The following CR2 variants were observed in gnomAD, a reference collection of about 807,000 sequenced individuals.
CR2 encodes complement receptor type 2.
In CR2, 96 loss-of-function variants were observed where a neutral mutation model predicts 123.0. The observed-to-expected ratio is 0.78, with a 90% CI of 0.66 to 0.93. The LOEUF is 0.93. Among genes scored for constraint, CR2 ranks in the 40% least tolerant of loss-of-function variants. CR2 has a pLI of 0.00. For synonymous variants in CR2, 484 were observed against 469.5 expected (o/e 1.03, Z -0.40); for missense variants, 1,258 against 1,361.0 (o/e 0.92, Z 1.19).
At chr1:207,480,518 T>C (rs914188241) in intron 18 of CR2, among the ~76,000 whole-genome samples, 1 of 152,210 alleles carries the variant, frequency 6.6e-6, no homozygotes, top group Non-Finnish European at 1.5e-5. Context: ...TGTATTTATG[T>C]GTTTTAAGTT....
In CR2 at chr1:207,472,325, A is replaced by G. The variant is rs538813602; in HGVS notation, c.1571-447A>G. Among the ~76,000 whole-genome samples the G allele has an allele frequency of 3.3e-5, 5 of 152,272 alleles. No individual in the cohort carries two copies. In the South Asian group the frequency reaches 1.0e-3, roughly 32 times the overall value. On this transcript the variant is annotated intron_variant, in intron 9 of 19. Transcript: ENST00000367057. Reference sequence around the variant, plus strand: ...CAAATTATTCAAATTAAATTGTACTATTGCTACTTTCTGGATGAGGAAACT... The same window carrying G: ...CAAATTATTCAAATTAAATTGTACTGTTGCTACTTTCTGGATGAGGAAACT...
At chr1:207,475,764 GATAA>G (rs1341129407) in intron 14 of CR2, among the ~76,000 whole-genome samples, 3 of 152,140 alleles carry the variant, frequency 2.0e-5, no homozygotes, top group Non-Finnish European at 4.4e-5. Context: ...TTCAGTTTAA[GATAA>G]ATAGTGAGCT....
chr1:207,482,970 A>C (rs1427483410), intron 18 of CR2, among the ~76,000 whole-genome samples: 4 of 152,140 alleles, frequency 2.6e-5, no homozygotes, highest in Admixed American at 2.6e-4. Context: ...GAAAAAAAAA[A>C]AAAACCCTGA....
intron 1 of CR2, among the ~76,000 whole-genome samples, chr1:207,456,733 A>C (rs2102293776): frequency 6.6e-6 from 1 of 152,248 alleles, no homozygotes; most frequent in East Asian, 1.9e-4. Context: ...CTAGAATCAG[A>C]TTTTGTTCTC....
At position 207,470,926 on chromosome 1, in the gene CR2, C is replaced by T; in HGVS notation, c.1402+10C>T. 1.2e-6 allele frequency: 2 copies of T among 1,613,824 alleles called. No homozygotes were observed. Among genetic ancestry groups the T allele is most frequent in the East Asian group, 2.2e-5 (1 of 44,878 alleles). ...GTACCCCAATGCAAAGGTGCCAGGCCTCAAATGTAGACATTTTGTTAACTT... is the reference window on the plus strand; with the variant it reads ...GTACCCCAATGCAAAGGTGCCAGGCTTCAAATGTAGACATTTTGTTAACTT... On this transcript the variant is annotated intron_variant, in intron 7 of 19. Coordinates refer to ENST00000367057, the MANE Select transcript of CR2 (RefSeq NM_001006658.3).
chr1:207,474,944 G>A lies in CR2; in HGVS notation c.2444G>A (p.Gly815Glu), dbSNP rs746627474. Residue 815 changes from glycine to glutamate, a missense_variant, in exon 14 of 20, where the codon GGA becomes GAA. Coordinates refer to ENST00000367057, the MANE Select transcript of CR2 (RefSeq NM_001006658.3). Reference sequence around the variant, plus strand: ...TGTGACCAAGGATTCTATCTCCTGGGAGAGAAAAAATTGCAGTGCAGAAGT... The same window carrying A: ...TGTGACCAAGGATTCTATCTCCTGGAAGAGAAAAAATTGCAGTGCAGAAGT... ...YECDQGFYLLGEKKLQCRSDS... is the reference protein window; with the variant it reads ...YECDQGFYLLEEKKLQCRSDS... 7 of 1,614,116 alleles carry A rather than the reference G, an allele frequency of 4.3e-6. No homozygotes were observed. Among genetic ancestry groups the A allele is most frequent in the Non-Finnish European group, 5.9e-6 (7 of 1,179,984 alleles).
intron 13 of CR2, 148 bp from the exon 14 acceptor site, chr1:207,474,676 T>TA (rs1353652545): frequency 9.1e-6 from 8 of 877,190 alleles, no homozygotes; most frequent in Admixed American, 4.4e-5. Flanking sequence ...AAGCTGTTTT[T>TA]AAAAAAAGCA....
At chr1:207,471,351 T>G in intron 8 of CR2, 72 bp from the exon 9 acceptor site, 2 of 1,196,010 alleles carry the variant, frequency 1.7e-6, no homozygotes. Flanking sequence ...GTGAGTCTGC[T>G]TGGGAGCCAT....
chr1:207,471,123 G>A (rs772749374), intron 8 of CR2, 36 bp downstream of exon 8: 4 of 1,591,536 alleles, frequency 2.5e-6, no homozygotes, highest in Non-Finnish European at 2.6e-6. Context: ...CCCAATTCCG[G>A]TGTATCAGCA....
chr1:207,474,856 A>C lies in CR2; in HGVS notation c.2356A>C (p.Asn786His), dbSNP rs1658389609. ...IHCHPPPVIV[N>H]GKHTGMMAEN... ...CTGTCACCCTCCACCAGTGATTGTC[A>C]ATGGGAAGCACACAGGCATGATGGC... The change falls in exon 14 of 20, where the codon AAT (asparagine) becomes CAT (histidine). Residue 786 changes from asparagine (N) to histidine (H), a missense_variant. Coordinates refer to ENST00000367057, the MANE Select transcript of CR2 (RefSeq NM_001006658.3). 1 of 1,613,910 alleles carries C rather than the reference A, an allele frequency of 6.2e-7. No individual in the cohort carries two copies.
chr1:207,460,167 C>G (rs903523226), intron 1 of CR2, among the ~76,000 whole-genome samples: 4 of 152,264 alleles, frequency 2.6e-5, no homozygotes, highest in African/African-American at 9.6e-5. Flanking sequence ...CAAGTAGTAT[C>G]AGGATCATGA....
intron 16 of CR2, among the ~76,000 whole-genome samples, 192 bp from the exon 17 acceptor site, chr1:207,479,065 C>A (rs1215818656): frequency 6.6e-6 from 1 of 152,112 alleles, no homozygotes; most frequent in Admixed American, 6.6e-5. Flanking sequence ...CTCAAGTGAT[C>A]TTCCCACCTT....
intron 2 of CR2, 127 bp downstream of exon 2, chr1:207,467,039 G>A: frequency 8.4e-7 from 1 of 1,184,128 alleles, no homozygotes. Context: ...AAGGAAACAA[G>A]GGAAAAGGTG....
intron 18 of CR2, among the ~76,000 whole-genome samples, chr1:207,480,397 T>C (rs1398069385): frequency 1.3e-5 from 2 of 152,142 alleles, no homozygotes; most frequent in Non-Finnish European, 2.9e-5. Flanking sequence ...TTTTGTCATT[T>C]TCATCTTCTG....
chr1:207,473,868 T>C lies in CR2; in HGVS notation c.2223T>C (p.Asn741=). 1.9e-6 allele frequency: 3 copies of C among 1,613,882 alleles called. No individual in the cohort carries two copies. Among genetic ancestry groups the C allele is most frequent in the Non-Finnish European group, 2.5e-6 (3 of 1,179,836 alleles). Residue 741 remains asparagine, a synonymous_variant, in exon 12 of 20, where the codon AAT becomes AAC. Transcript: ENST00000367057. ...CTGGTTCACGTGTGGAGCTAGTTAA[T>C]ACGTCCTGCCAAGATGGGTGAGTAT... is the stretch of plus-strand genomic sequence containing the variant. ...LPAGSRVELV[N]TSCQDGYQLT... is the part of the protein sequence containing the mutation.
chr1:207,473,921 C>A lies in CR2; in HGVS notation c.2240+36C>A, dbSNP rs770465515. The A allele has an allele frequency of 2.5e-6, 4 of 1,589,926 alleles. No individual in the cohort carries two copies. In the Admixed American group the frequency reaches 6.7e-5, roughly 27 times the overall value. On this transcript the variant is annotated intron_variant, in intron 12 of 19. Transcript: ENST00000367057. Reference sequence around the variant, plus strand: ...AGTGGTCTATTCTGAGAAAAGGTCTCAACCTTGTTTTGTGGATTAACTTGA... The same window carrying A: ...AGTGGTCTATTCTGAGAAAAGGTCTAAACCTTGTTTTGTGGATTAACTTGA...
chr1:207,482,031 T>C (rs1658614594), intron 18 of CR2, among the ~76,000 whole-genome samples: 1 of 152,104 alleles, frequency 6.6e-6, no homozygotes, highest in South Asian at 2.1e-4. Context: ...TCTTCAGTAA[T>C]ATTAGGGAAT....
At chr1:207,486,205 T>C (rs1215713603) in intron 19 of CR2, among the ~76,000 whole-genome samples, 2 of 116,880 alleles carry the variant, frequency 1.7e-5, no homozygotes, top group Non-Finnish European at 3.2e-5. Flanking sequence ...TACCCCAGCC[T>C]GGACAACAGA....
At chr1:207,480,449 C>A (rs1658573295) in intron 18 of CR2, among the ~76,000 whole-genome samples, 4 of 98,728 alleles carry the variant, frequency 4.1e-5, no homozygotes, top group Non-Finnish European at 9.3e-5. Flanking sequence ...TGTTTTTATG[C>A]TTTAAGTCAT....
Sources: gnomAD v4.1 joint callset for allele counts (sites outside exome capture counted in the v4.1 genomes callset) on GRCh38, gnomAD v4.1.1 for gene constraint, MANE v1.5 for transcripts, NCBI Gene and HGNC (gene_info 2026-07-23, HGNC 2026-07-21) for gene names.